POLQ: variants seen among roughly 807,000 people sequenced by gnomAD.
POLQ encodes epididymis secretory sperm binding protein.
POLQ carries 233 observed loss-of-function variants against 259.2 expected under a neutral mutation model. That is an observed-to-expected ratio of 0.90 (90% CI 0.81 to 1.00). The LOEUF (loss-of-function observed/expected upper bound fraction) is 1.00. POLQ is among the 50% of genes least tolerant of loss of function. POLQ has a pLI of 0.00. For missense variants in POLQ, 2,871 were observed against 3,051.6 expected (o/e 0.94, Z 1.39); for synonymous variants, 1,025 against 1,048.8 (o/e 0.98, Z 0.44).
At chr3:121,467,853 C>T (rs2047851617) in intron 23 of POLQ, among the ~76,000 whole-genome samples, 1 of 152,122 alleles carries the variant, frequency 6.6e-6, no homozygotes, top group Non-Finnish European at 1.5e-5. Context: ...CTAGTTAGGG[C>T]AACAAAGTGA....
At chr3:121,476,483 C>G (rs2047926291) in intron 20 of POLQ, 57 bp downstream of exon 20, 1 of 1,122,098 alleles carries the variant, frequency 8.9e-7, no homozygotes, top group Non-Finnish European at 1.3e-6. Flanking sequence ...CACACACACA[C>G]ACAATCATTT....
At chr3:121,456,209 A>G (rs1443098104) in intron 25 of POLQ, among the ~76,000 whole-genome samples, 3 of 152,324 alleles carry the variant, frequency 2.0e-5, no homozygotes, top group Admixed American at 6.5e-5. Context: ...CTCTCAATAA[A>G]TCAGGTACTG....
intron 26 of POLQ, among the ~76,000 whole-genome samples, chr3:121,440,630 G>A (rs1404748885): frequency 2.0e-5 from 3 of 152,100 alleles, no homozygotes; most frequent in Non-Finnish European, 4.4e-5. Context: ...GCTACTACAT[G>A]GCCTTTGTTT....
intron 5 of POLQ, among the ~76,000 whole-genome samples, chr3:121,535,710 C>T (rs2048445247): frequency 1.0e-5 from 1 of 95,242 alleles, no homozygotes; most frequent in South Asian, 5.1e-4. Flanking sequence ...AGCGGAACTC[C>T]ATCTCAAAAA....
intron 26 of POLQ, among the ~76,000 whole-genome samples, chr3:121,447,294 C>G (rs754355016): frequency 5.9e-5 from 9 of 151,740 alleles, no homozygotes; most frequent in Non-Finnish European, 8.8e-5. Flanking sequence ...CCTCAGCCTC[C>G]CAAGTAGCTA....
At chr3:121,541,575 C>T (rs2048490399) in intron 2 of POLQ, 96 bp from the exon 3 acceptor site, 2 of 1,081,022 alleles carry the variant, frequency 1.9e-6, no homozygotes, top group South Asian at 3.4e-5. Context: ...ACTACAGAGC[C>T]TAAGGCTAAC....
chr3:121,447,062 A>T (rs1344804961), intron 26 of POLQ, among the ~76,000 whole-genome samples: 3 of 148,212 alleles, frequency 2.0e-5, no homozygotes, highest in African/African-American at 5.1e-5. Context: ...AATAAAGGTG[A>T]TTTTTTCTGG....
intron 13 of POLQ, among the ~76,000 whole-genome samples, chr3:121,498,276 C>A (rs2048140077): frequency 6.6e-6 from 1 of 151,580 alleles, no homozygotes; most frequent in Non-Finnish European, 1.5e-5. Context: ...CGCTATTGCA[C>A]TCCAGCCTGG....
At chr3:121,454,145 G>A (rs1486984179) in intron 25 of POLQ, among the ~76,000 whole-genome samples, 1 of 152,150 alleles carries the variant, frequency 6.6e-6, no homozygotes, top group African/African-American at 2.4e-5. Context: ...TTCATTAAGT[G>A]AAGGAGAAAT....
chr3:121,456,105 C>A (rs2047734461), intron 25 of POLQ, among the ~76,000 whole-genome samples: 1 of 152,058 alleles, frequency 6.6e-6, no homozygotes, highest in African/African-American at 2.4e-5. Context: ...TGTAATCCAG[C>A]ATATAAACAG....
rs753296943 is a variant in POLQ at position 121,520,089 on chromosome 3, A to C, written c.1256-6T>G. On this transcript the variant is annotated splice_polypyrimidine_tract_variant and splice_region_variant and intron_variant, in intron 8 of 29. Coordinates refer to ENST00000264233, the MANE Select transcript of POLQ (RefSeq NM_199420.4). ...CCTCTCCTCAAAAGTAAGACCTAAA[A>C]AAAGGAGGTTTTTATATATTTATTG... 3.8e-6 allele frequency: 6 copies of C among 1,574,096 alleles called. No individual in the cohort carries two copies. Among genetic ancestry groups the C allele is most frequent in the Non-Finnish European group, 8.7e-7 (1 of 1,145,998 alleles).
At chr3:121,540,520 G>A (rs114619005) in intron 3 of POLQ, among the ~76,000 whole-genome samples, 124 of 152,268 alleles carry the variant, frequency 8.1e-4, no homozygotes, top group African/African-American at 2.9e-3. Context: ...TAAAAACTGT[G>A]AGCATCATAT....
chr3:121,445,862 C>T (rs76636411), intron 26 of POLQ, among the ~76,000 whole-genome samples: 1 of 143,988 alleles, frequency 6.9e-6, no homozygotes, highest in Non-Finnish European at 1.5e-5. Context: ...CACTCCATCT[C>T]AAAAAAAAAA....
chr3:121,510,020 A>G lies in POLQ; in HGVS notation c.1816+19T>C. On this transcript the variant is annotated intron_variant, in intron 11 of 29. Coordinates refer to ENST00000264233, the MANE Select transcript of POLQ (RefSeq NM_199420.4). ...AAGAAGAAAAAGTGAGTAAATTGCA[A>G]CTGAGAAGTCACACTTACCTTCTGT... is the stretch of plus-strand genomic sequence containing the variant. 8 of 1,584,880 alleles carry G rather than the reference A, an allele frequency of 5.0e-6. No individual in the cohort carries two copies. Among genetic ancestry groups the G allele is most frequent in the Non-Finnish European group, 6.9e-6 (8 of 1,153,492 alleles).
intron 25 of POLQ, among the ~76,000 whole-genome samples, chr3:121,456,721 A>G (rs1260488313): frequency 1.3e-5 from 2 of 152,116 alleles, no homozygotes; most frequent in African/African-American, 2.4e-5. Flanking sequence ...CCACTGCTCA[A>G]GGAAATAAAA....
At chr3:121,531,016 C>T (rs1290534276) in intron 6 of POLQ, among the ~76,000 whole-genome samples, 1 of 151,998 alleles carries the variant, frequency 6.6e-6, no homozygotes, top group Non-Finnish European at 1.5e-5. Flanking sequence ...GGAGAAGCTC[C>T]GCCTCTAGTA....
intron 9 of POLQ, among the ~76,000 whole-genome samples, chr3:121,515,598 C>G (rs552572674): frequency 7.8e-4 from 119 of 152,360 alleles, no homozygotes; most frequent in South Asian, 7.5e-3. Context: ...AGCAGCCCAA[C>G]TATCTACAGA....
chr3:121,543,908 G>C (rs1422493571), intron 2 of POLQ, among the ~76,000 whole-genome samples: 2 of 151,842 alleles, frequency 1.3e-5, no homozygotes, highest in South Asian at 4.2e-4. Context: ...ACTTGAACCC[G>C]GGAGGCAGAG....
intron 19 of POLQ, among the ~76,000 whole-genome samples, chr3:121,479,366 G>A (rs1003933908): frequency 1.4e-4 from 21 of 150,190 alleles, no homozygotes; most frequent in Admixed American, 9.9e-4. Flanking sequence ...AAAAAAATGT[G>A]TGTGTGTGTG....
Sources: allele counts gnomAD v4.1 joint callset (sites outside exome capture counted in the v4.1 genomes callset), GRCh38; gene constraint gnomAD v4.1.1; transcripts MANE v1.5; gene names NCBI Gene and HGNC (gene_info 2026-07-23, HGNC 2026-07-21).